The following CNBD1 variants were observed in gnomAD, a reference collection of about 807,000 sequenced individuals.
CNBD1 encodes the protein cyclic nucleotide binding domain containing 1.
CNBD1 carries 71 observed loss-of-function variants against 54.4 expected under a neutral mutation model. The ratio of observed to expected loss-of-function variants is 1.30; its 90% confidence interval spans 1.08 to 1.59. The LOEUF is 1.59. Among genes scored for constraint, CNBD1 ranks in the 40% most tolerant of loss-of-function variants. CNBD1 has a pLI of 0.00. For missense variants in CNBD1, 659 were observed against 518.0 expected (o/e 1.27, Z -2.64); for synonymous variants, 182 against 170.7 (o/e 1.07, Z -0.51).
At chr8:87,023,854 T>TA (rs1809540485) in intron 4 of CNBD1, among the ~76,000 whole-genome samples, 1 of 152,222 alleles carries the variant, frequency 6.6e-6, no homozygotes, top group African/African-American at 2.4e-5. Flanking sequence ...GATTGTTTAT[T>TA]AAAACAGTAT....
At chr8:87,119,362 C>T (rs1811845473) in intron 4 of CNBD1, among the ~76,000 whole-genome samples, 3 of 151,268 alleles carry the variant, frequency 2.0e-5, no homozygotes, top group African/African-American at 7.3e-5. Context: ...GGATAGCTTG[C>T]TTGATTTTTT....
At position 87,153,710 on chromosome 8, in the gene CNBD1, T is replaced by C. The variant is rs147962271; in HGVS notation, c.432-52283T>C. 1.9e-3 allele frequency among the ~76,000 whole-genome samples: 288 copies of C among 152,332 alleles called. 1 individual carries two copies. The highest frequency in any genetic ancestry group is 6.8e-3 in the Middle Eastern group (2 of 294). On this transcript the variant is annotated intron_variant, in intron 4 of 10. Transcript: ENST00000518476. The stretch of plus-strand genomic sequence containing the variant: ...TATAATGGGGTCAGACACTGTGCTG[T>C]GCAATGGAGATACATGAGTGAGCAG...
intron 3 of CNBD1, among the ~76,000 whole-genome samples, chr8:86,928,350 A>G (rs1809400133): frequency 6.6e-6 from 1 of 152,106 alleles, no homozygotes; most frequent in African/African-American, 2.4e-5. Context: ...ATGGGAGATG[A>G]GTTTCTTGTG....
intron 10 of CNBD1, among the ~76,000 whole-genome samples, chr8:87,370,593 A>AT (rs1160033923): frequency 6.6e-5 from 10 of 151,942 alleles, no homozygotes; most frequent in African/African-American, 2.4e-4. Flanking sequence ...TTTCTTGTAA[A>AT]TTTGTTTAAG....
At chr8:86,886,289 G>A (rs1808680022) in intron 1 of CNBD1, among the ~76,000 whole-genome samples, 1 of 152,106 alleles carries the variant, frequency 6.6e-6, no homozygotes, top group Admixed American at 6.6e-5. Context: ...TATGTAAGCT[G>A]ACAGCTTGGT....
chr8:87,214,907 G>C (rs1814176782), intron 5 of CNBD1, among the ~76,000 whole-genome samples: 2 of 152,140 alleles, frequency 1.3e-5, no homozygotes, highest in Non-Finnish European at 2.9e-5. Flanking sequence ...TGGGAATTAT[G>C]GGAGCTACAA....
chr8:87,092,701 T>C (rs1010583545), intron 4 of CNBD1, among the ~76,000 whole-genome samples: 2 of 151,838 alleles, frequency 1.3e-5, no homozygotes, highest in Non-Finnish European at 2.9e-5. Flanking sequence ...TTTTACTTTT[T>C]AAAAAAAATT....
At chr8:86,884,322 GTC>G (rs1439452262) in intron 1 of CNBD1, among the ~76,000 whole-genome samples, 3 of 152,068 alleles carry the variant, frequency 2.0e-5, no homozygotes, top group African/African-American at 7.2e-5. Context: ...CTTGGGAATT[GTC>G]TCTGTCAGTG....
At chr8:87,329,204 T>G (rs894486175) in intron 8 of CNBD1, among the ~76,000 whole-genome samples, 5 of 152,198 alleles carry the variant, frequency 3.3e-5, no homozygotes, top group African/African-American at 1.2e-4. Context: ...TTTGTTCTGT[T>G]TTCAAGGATC....
chr8:87,427,845 C>CTTTA (rs1334032255), intron 2 of CNBD1, among the ~76,000 whole-genome samples: 3 of 152,090 alleles, frequency 2.0e-5, no homozygotes, highest in African/African-American at 7.2e-5. Flanking sequence ...CTGCTGCATG[C>CTTTA]TTTATAATTC....
At chr8:87,395,055 G>GT (rs199731998) in intron 2 of CNBD1, among the ~76,000 whole-genome samples, 9 of 151,690 alleles carry the variant, frequency 5.9e-5, no homozygotes, top group South Asian at 2.1e-4. Flanking sequence ...TTCGCTTAAT[G>GT]TTTTTTTTAC....
chr8:87,015,903 C>T (rs1202547538), intron 4 of CNBD1, among the ~76,000 whole-genome samples: 1 of 144,984 alleles, frequency 6.9e-6, no homozygotes, highest in South Asian at 2.2e-4. Flanking sequence ...ATTGCTTGAA[C>T]CCAGGAGGCA....
intron 4 of CNBD1, among the ~76,000 whole-genome samples, chr8:87,153,286 A>G (rs1812645187): frequency 2.6e-5 from 4 of 152,196 alleles, no homozygotes; most frequent in African/African-American, 7.2e-5. Flanking sequence ...AATATATCAG[A>G]CTGCCATTTC....
intron 4 of CNBD1, among the ~76,000 whole-genome samples, chr8:87,022,606 C>T (rs1341332085): frequency 1.3e-5 from 2 of 152,176 alleles, no homozygotes; most frequent in Admixed American, 6.6e-5. Context: ...ATTTTGTTTA[C>T]TCTGCCCTTA....
chr8:87,083,733 C>T (rs1811043872), intron 4 of CNBD1, among the ~76,000 whole-genome samples: 3 of 151,840 alleles, frequency 2.0e-5, no homozygotes, highest in Non-Finnish European at 2.9e-5. Context: ...GGACTACAGT[C>T]GCCTACCACC....
chr8:87,303,876 A>C (rs1809078117), intron 8 of CNBD1, among the ~76,000 whole-genome samples: 1 of 152,210 alleles, frequency 6.6e-6, no homozygotes, highest in Non-Finnish European at 1.5e-5. Flanking sequence ...GCCAAAAGAC[A>C]CATGAAAAAA....
intron 8 of CNBD1, among the ~76,000 whole-genome samples, chr8:87,299,340 G>A (rs945604529): frequency 1.2e-4 from 19 of 152,068 alleles, no homozygotes; most frequent in African/African-American, 4.1e-4. Context: ...ATCACAATGC[G>A]GTTTGTAGAT....
At chr8:87,304,005 A>G (rs1379165040) in intron 8 of CNBD1, among the ~76,000 whole-genome samples, 5 of 152,142 alleles carry the variant, frequency 3.3e-5, no homozygotes, top group South Asian at 2.1e-4. Context: ...TGGAGAGGAT[A>G]TGGATAAATA....
At chr8:87,080,266 T>C (rs1810962514) in intron 4 of CNBD1, among the ~76,000 whole-genome samples, 1 of 152,214 alleles carries the variant, frequency 6.6e-6, no homozygotes, top group South Asian at 2.1e-4. Flanking sequence ...CTTTGGATTT[T>C]CTAGGTCAGT....
Sources: allele counts gnomAD v4.1 joint callset (sites outside exome capture counted in the v4.1 genomes callset), GRCh38; gene constraint gnomAD v4.1.1; transcripts MANE v1.5; gene names NCBI Gene and HGNC (gene_info 2026-07-23, HGNC 2026-07-21).